The following LAMA2 variants were observed in gnomAD, a reference collection of about 807,000 sequenced individuals.
LAMA2 encodes laminin subunit alpha-2.
A neutral mutation model predicts 364.8 loss-of-function variants in LAMA2; 269 were observed. The ratio of observed to expected loss-of-function variants is 0.74; its 90% CI spans 0.67 to 0.82. The LOEUF is 0.82. Among genes scored for constraint, LAMA2 ranks in the 40% least tolerant of loss-of-function variants. The pLI is 0.00. For missense variants in LAMA2, 3,807 were observed against 3,873.2 expected, an observed-to-expected ratio of 0.98 and a Z score of 0.45; for synonymous variants, 1,379 against 1,370.6, an observed-to-expected ratio of 1.01 and a Z score of -0.14.
At chr6:128,892,480 C>T (rs953594124) in intron 1 of LAMA2, among the ~76,000 whole-genome samples, 3 of 151,878 alleles carry the variant, frequency 2.0e-5, no homozygotes, top group African/African-American at 7.2e-5. Flanking sequence ...TTAAAAACTT[C>T]TTTAATACTT....
chr6:129,395,953 TAGGC>T (rs1351114485), intron 37 of LAMA2, among the ~76,000 whole-genome samples: 1 of 152,094 alleles, frequency 6.6e-6, no homozygotes, highest in African/African-American at 2.4e-5. Context: ...AAAGAGAAGA[TAGGC>T]AGAGTGCAGA....
At chr6:128,961,318 G>GAGAT (rs1781477452) in intron 1 of LAMA2, among the ~76,000 whole-genome samples, 2 of 57,786 alleles carry the variant, frequency 3.5e-5, no homozygotes, top group Non-Finnish European at 7.4e-5. Context: ...GAACTAATAT[G>GAGAT]ATATATATAT....
intron 10 of LAMA2, among the ~76,000 whole-genome samples, chr6:129,180,485 A>C (rs1453862427): frequency 6.6e-6 from 1 of 152,138 alleles, no homozygotes; most frequent in African/African-American, 2.4e-5. Context: ...TATCAGAAAG[A>C]AATATCTTAC....
At chr6:129,512,768 AC>A (rs1185229692) in intron 63 of LAMA2, among the ~76,000 whole-genome samples, 1 of 152,178 alleles carries the variant, frequency 6.6e-6, no homozygotes, top group East Asian at 1.9e-4. Flanking sequence ...TCGAGTTCTT[AC>A]TGTGTTGCTA....
chr6:129,111,920 C>T (rs554516716), intron 4 of LAMA2, among the ~76,000 whole-genome samples: 2 of 151,926 alleles, frequency 1.3e-5, no homozygotes, highest in Non-Finnish European at 2.9e-5. Context: ...TACAGGTTAC[C>T]AGTAGTAAGT....
intron 12 of LAMA2, among the ~76,000 whole-genome samples, chr6:129,230,381 G>A (rs546112497): frequency 1.3e-5 from 2 of 152,076 alleles, no homozygotes; most frequent in South Asian, 4.1e-4. Flanking sequence ...AACTAGAGTG[G>A]ATTTAAGAGA....
In LAMA2 at chr6:129,250,434, C is replaced by T. The variant is rs191672498; in HGVS notation, c.1884+221C>T. The stretch of plus-strand genomic sequence containing the variant: ...TGAATGATAAAGGAGAACTTTAGAC[C>T]AGACTTGAAATTAAATTTCAAACAT... On this transcript the variant is annotated intron_variant, in intron 13 of 64. Coordinates refer to ENST00000421865, the MANE Select transcript of LAMA2 (RefSeq NM_000426.4). Among the ~76,000 whole-genome samples the T allele has an allele frequency of 1.4e-3, 215 of 152,150 alleles. 3 individuals carry two copies. Among genetic ancestry groups the T allele is most frequent in the Admixed American group, 3.2e-3 (49 of 15,280 alleles).
At chr6:129,422,826 AT>A (rs1229007401) in intron 40 of LAMA2, among the ~76,000 whole-genome samples, 1 of 152,146 alleles carries the variant, frequency 6.6e-6, no homozygotes, top group Non-Finnish European at 1.5e-5. Context: ...ATCCAACCTC[AT>A]TCTACGAGGC....
At chr6:129,157,399 T>C (rs1779175928) in intron 8 of LAMA2, 1 of 1,178,546 alleles carries the variant, frequency 8.5e-7, no homozygotes, top group Non-Finnish European at 1.2e-6. Flanking sequence ...TAGCAGCCTG[T>C]GAACACGTAG....
At chr6:129,230,457 G>A (rs891405605) in intron 12 of LAMA2, among the ~76,000 whole-genome samples, 1 of 152,074 alleles carries the variant, frequency 6.6e-6, no homozygotes, top group African/African-American at 2.4e-5. Flanking sequence ...GAAAATAAGG[G>A]CATAGATACT....
intron 17 of LAMA2, among the ~76,000 whole-genome samples, chr6:129,275,296 G>A (rs1436868226): frequency 6.6e-6 from 1 of 151,860 alleles, no homozygotes; most frequent in Non-Finnish European, 1.5e-5. Flanking sequence ...AGATTATGAT[G>A]GGTCTTCCTG....
chr6:129,145,902 T>G (rs1281690617), intron 5 of LAMA2, among the ~76,000 whole-genome samples: 1 of 151,970 alleles, frequency 6.6e-6, no homozygotes, highest in Non-Finnish European at 1.5e-5. Flanking sequence ...AATATCTCTA[T>G]TTGTGTCTAT....
intron 1 of LAMA2, among the ~76,000 whole-genome samples, chr6:128,950,316 G>A (rs776858858): frequency 2.3e-4 from 35 of 152,112 alleles, no homozygotes; most frequent in Admixed American, 3.9e-4. Flanking sequence ...GAAGGGTAAA[G>A]GGCACTGATT....
chr6:129,270,787 A>G, intron 17 of LAMA2, 36 bp downstream of exon 17: 1 of 1,607,436 alleles, frequency 6.2e-7, no homozygotes, highest in Non-Finnish European at 8.5e-7. Context: ...TAAGCTCAGC[A>G]TCCATTTCTG....
rs908494157 is a variant in LAMA2, at chr6:129,379,823, C to T, written c.4960-3299C>T. On this transcript the variant is annotated intron_variant, in intron 34 of 64. Coordinates refer to ENST00000421865, the MANE Select transcript of LAMA2 (RefSeq NM_000426.4). ...TTCTAAAAAATGCCCAGAAAATTGC[C>T]CAGCCAACCACATTTCCTGGCAAGC... Among the ~76,000 whole-genome samples, 3 of 152,260 alleles carry T rather than the reference C, an allele frequency of 2.0e-5. No homozygotes were observed. The East Asian group carries it at 5.8e-4, about 29-fold the overall frequency.
intron 1 of LAMA2, among the ~76,000 whole-genome samples, chr6:128,941,797 C>T (rs187586622): frequency 5.9e-5 from 9 of 152,074 alleles, no homozygotes; most frequent in East Asian, 1.9e-4. Context: ...CTGTGCCCAG[C>T]GAGTTGGTAT....
intron 1 of LAMA2, among the ~76,000 whole-genome samples, chr6:128,972,864 C>G (rs17723635): frequency 0.024 from 3,668 of 152,194 alleles, 48 homozygotes; most frequent in Middle Eastern, 0.031. Context: ...CAAATCATCT[C>G]TCTGTCTCTT....
intron 32 of LAMA2, among the ~76,000 whole-genome samples, chr6:129,364,410 T>G (rs887524607): frequency 1.3e-5 from 2 of 152,212 alleles, no homozygotes; most frequent in African/African-American, 2.4e-5. Flanking sequence ...CTAACATGTA[T>G]ATAGCATTGA....
intron 1 of LAMA2, among the ~76,000 whole-genome samples, chr6:128,939,424 C>G (rs1780027645): frequency 6.6e-6 from 1 of 151,890 alleles, no homozygotes; most frequent in Middle Eastern, 3.2e-3. Context: ...AACATATATA[C>G]CTTCACCTGA....
Sources: gnomAD v4.1 joint callset for allele counts (sites outside exome capture counted in the v4.1 genomes callset) on GRCh38, gnomAD v4.1.1 for gene constraint, MANE v1.5 for transcripts, NCBI Gene and HGNC (gene_info 2026-07-23, HGNC 2026-07-21) for gene names.